Variants in ATRNL1 observed in about 807,000 individuals in gnomAD.
ATRNL1 encodes the protein attractin-like protein 1.
A neutral mutation model predicts 182.7 loss-of-function variants in ATRNL1; 95 were observed. That is an observed-to-expected ratio of 0.52 (90% CI 0.44 to 0.62). The LOEUF (loss-of-function observed/expected upper bound fraction) is 0.62. ATRNL1 is among the 20% of genes least tolerant of loss of function. The pLI, the probability that ATRNL1 is intolerant of heterozygous loss-of-function variation, is 0.00. For missense variants in ATRNL1, 1,471 were observed against 1,679.5 expected, an observed-to-expected ratio of 0.88 and a Z score of 2.17; for synonymous variants, 576 against 568.3, an observed-to-expected ratio of 1.01 and a Z score of -0.19.
At chr10:115,107,003 G>T (rs1486101551) in intron 1 of ATRNL1, among the ~76,000 whole-genome samples, 2 of 152,152 alleles carry the variant, frequency 1.3e-5, no homozygotes, top group East Asian at 1.9e-4. Context: ...ATAGGCAAAA[G>T]CATTCAAATC....
At chr10:115,304,285 G>A (rs1431978554) in intron 17 of ATRNL1, among the ~76,000 whole-genome samples, 5 of 152,156 alleles carry the variant, frequency 3.3e-5, no homozygotes, top group African/African-American at 4.8e-5. Context: ...TATCCCAGCA[G>A]CAATATTTAT....
At chr10:115,343,188 T>C (rs1855827804) in intron 19 of ATRNL1, among the ~76,000 whole-genome samples, 1 of 152,200 alleles carries the variant, frequency 6.6e-6, no homozygotes, top group African/African-American at 2.4e-5. Context: ...AGTTTCGTGT[T>C]GTTACCCCTT....
At chr10:115,798,596 C>G (rs140626556) in intron 27 of ATRNL1, among the ~76,000 whole-genome samples, 1 of 151,370 alleles carries the variant, frequency 6.6e-6, no homozygotes, top group East Asian at 2.0e-4. Flanking sequence ...TGTTACAGAC[C>G]ATCACCTGCT....
In ATRNL1 at chr10:115,556,386, G is replaced by A. The variant is rs182299720; in HGVS notation, c.3795+6850G>A. 2.0e-4 allele frequency among the ~76,000 whole-genome samples: 31 copies of A among 152,184 alleles called. No homozygotes were observed. In the East Asian group the frequency reaches 4.6e-3, roughly 23 times the overall value. On this transcript the variant is annotated intron_variant, in intron 26 of 28. Coordinates refer to ENST00000355044, the MANE Select transcript of ATRNL1 (RefSeq NM_207303.4). Reference sequence around the variant, plus strand: ...TTGCTACGACTTATTCACCTTCATAGTCCAAGTTTTTAAAAATCACTTTTT... The same window carrying A: ...TTGCTACGACTTATTCACCTTCATAATCCAAGTTTTTAAAAATCACTTTTT...
intron 24 of ATRNL1, among the ~76,000 whole-genome samples, chr10:115,505,573 C>T (rs1850069568): frequency 6.6e-6 from 1 of 151,748 alleles, no homozygotes; most frequent in African/African-American, 2.4e-5. Flanking sequence ...CTTTAAGGAC[C>T]CCCAAGATAT....
At chr10:115,395,845 TA>T (rs1321890732) in intron 20 of ATRNL1, among the ~76,000 whole-genome samples, 1 of 151,770 alleles carries the variant, frequency 6.6e-6, no homozygotes, top group African/African-American at 2.4e-5. Context: ...TCTATATTAT[TA>T]AAATCAAATT....
chr10:115,286,207 T>A lies in ATRNL1; in HGVS notation c.2234-9T>A. 1 of 1,454,256 alleles carries A rather than the reference T, an allele frequency of 6.9e-7. No individual in the cohort carries two copies. Among genetic ancestry groups the A allele is most frequent in the Non-Finnish European group, 9.5e-7 (1 of 1,055,214 alleles). 90.1% of individuals were successfully genotyped at this position (1,454,256 alleles called of 1,614,324 possible). A position where few individuals can be genotyped will look rare whatever the true frequency, so the allele number is the denominator to read the frequency against. ...ATCTAACAATAAGACACATTTTTTTTCTTACTAGCTCATCTTTGTGGAGAA... is the reference window on the plus strand; with the variant it reads ...ATCTAACAATAAGACACATTTTTTTACTTACTAGCTCATCTTTGTGGAGAA... On this transcript the variant is annotated splice_polypyrimidine_tract_variant and intron_variant, in intron 14 of 28. Transcript: ENST00000355044.
At chr10:115,518,709 C>T (rs1554984445) in intron 24 of ATRNL1, among the ~76,000 whole-genome samples, 5 of 151,866 alleles carry the variant, frequency 3.3e-5, no homozygotes, top group South Asian at 2.1e-4. Flanking sequence ...TAATACACTT[C>T]CTCAGGACAG....
At position 115,114,059 on chromosome 10, in the gene ATRNL1, T is replaced by G. The variant is rs370438851; in HGVS notation, c.294-6126T>G. Among the ~76,000 whole-genome samples, 24 of 152,210 alleles carry G rather than the reference T, an allele frequency of 1.6e-4. 1 individual carries two copies. Among genetic ancestry groups the G allele is most frequent in the African/African-American group, 5.3e-4 (22 of 41,522 alleles). ...TGATACCTGCATAAAAACAGACAAA[T>G]TGACCCATGGAACAGGATAGAGAGC... is the stretch of plus-strand genomic sequence containing the variant. On this transcript the variant is annotated intron_variant, in intron 1 of 28. Transcript: ENST00000355044.
chr10:115,685,236 A>T (rs1555045976), intron 26 of ATRNL1, among the ~76,000 whole-genome samples: 1 of 151,764 alleles, frequency 6.6e-6, no homozygotes, highest in Non-Finnish European at 1.5e-5. Context: ...CTTTTGTAGC[A>T]AAATCAAGAA....
At chr10:115,755,364 G>C (rs1555071693) in intron 27 of ATRNL1, among the ~76,000 whole-genome samples, 2 of 152,136 alleles carry the variant, frequency 1.3e-5, no homozygotes, top group Non-Finnish European at 2.9e-5. Flanking sequence ...AGTTTATTGA[G>C]AGTTTTTAGC....
At chr10:115,592,381 A>G (rs574110279) in intron 26 of ATRNL1, among the ~76,000 whole-genome samples, 4 of 152,326 alleles carry the variant, frequency 2.6e-5, no homozygotes, top group African/African-American at 9.6e-5. Context: ...TTCATACACC[A>G]TACATTTTAT....
chr10:115,484,120 T>A, intron 24 of ATRNL1, among the ~76,000 whole-genome samples: 1 of 56,412 alleles, frequency 1.8e-5, no homozygotes, highest in Admixed American at 1.6e-4. Flanking sequence ...TCTGATTATC[T>A]TTTTTTTTTT....
intron 25 of ATRNL1, among the ~76,000 whole-genome samples, chr10:115,526,372 G>A (rs1851216357): frequency 6.6e-6 from 1 of 152,142 alleles, no homozygotes; most frequent in Admixed American, 6.5e-5. Context: ...CTTTTATTTA[G>A]CCAGTAAATG....
At chr10:115,789,448 T>G (rs926445853) in intron 27 of ATRNL1, among the ~76,000 whole-genome samples, 3 of 152,162 alleles carry the variant, frequency 2.0e-5, no homozygotes, top group Non-Finnish European at 4.4e-5. Flanking sequence ...GCACAAATTA[T>G]AGTGTGCTTG....
intron 17 of ATRNL1, among the ~76,000 whole-genome samples, chr10:115,303,415 G>C (rs533503469): frequency 2.0e-5 from 3 of 151,898 alleles, no homozygotes; most frequent in Middle Eastern, 3.4e-3. Context: ...TTTAGAGATG[G>C]GGTTTCACTG....
intron 28 of ATRNL1, among the ~76,000 whole-genome samples, chr10:115,882,612 C>T (rs7905131): frequency 0.024 from 3,609 of 152,250 alleles, 163 homozygotes; most frequent in African/African-American, 0.082. Context: ...TTCCAGACTC[C>T]TTGTAGGCAG....
chr10:115,315,765 A>G, intron 18 of ATRNL1, 29 bp downstream of exon 18: 2 of 1,579,048 alleles, frequency 1.3e-6, no homozygotes, highest in Non-Finnish European at 1.7e-6. Context: ...AAACAATTTC[A>G]GTTTCTGCTT....
chr10:115,777,162 G>A (rs1383639244), intron 27 of ATRNL1, among the ~76,000 whole-genome samples: 1 of 152,030 alleles, frequency 6.6e-6, no homozygotes, highest in Non-Finnish European at 1.5e-5. Flanking sequence ...GGCATATGGT[G>A]GTTAATATAC....
Sources: allele counts gnomAD v4.1 joint callset (sites outside exome capture counted in the v4.1 genomes callset), GRCh38; gene constraint gnomAD v4.1.1; transcripts MANE v1.5; gene names NCBI Gene and HGNC (gene_info 2026-07-23, HGNC 2026-07-21).